CDK14: variants seen among roughly 807,000 people sequenced by gnomAD.
CDK14 encodes cyclin-dependent kinase 14.
In CDK14, 34 loss-of-function variants were observed where a neutral mutation model predicts 60.7. The observed-to-expected ratio is 0.56, with a 90% CI of 0.43 to 0.75. CDK14 has a LOEUF of 0.75. CDK14 is among the 30% of genes least tolerant of loss of function. The pLI is 0.00. For missense variants in CDK14, 482 were observed against 564.1 expected, an observed-to-expected ratio of 0.85 and a Z score of 1.47; for synonymous variants, 197 against 203.7, an observed-to-expected ratio of 0.97 and a Z score of 0.28.
chr7:90,951,199 T>C (rs1794251091), intron 8 of CDK14, among the ~76,000 whole-genome samples: 2 of 152,142 alleles, frequency 1.3e-5, no homozygotes, highest in Non-Finnish European at 2.9e-5. Context: ...CTGTTTGGAG[T>C]CAAGTGATAA....
intron 12 of CDK14, among the ~76,000 whole-genome samples, chr7:91,111,573 T>A (rs1413500534): frequency 1.3e-5 from 2 of 152,124 alleles, no homozygotes; most frequent in Non-Finnish European, 2.9e-5. Context: ...TGGATTGGAA[T>A]CTCCTCTCAA....
At chr7:90,997,551 A>G (rs1191095758) in intron 10 of CDK14, among the ~76,000 whole-genome samples, 2 of 152,210 alleles carry the variant, frequency 1.3e-5, no homozygotes, top group Non-Finnish European at 2.9e-5. Context: ...GATAACATTT[A>G]ACATTCAGAT....
chr7:90,600,737 A>G (rs1371089651), intron 1 of CDK14, among the ~76,000 whole-genome samples: 2 of 152,276 alleles, frequency 1.3e-5, no homozygotes, highest in Admixed American at 6.5e-5. Context: ...AAATATTTTA[A>G]TTTGAAAACT....
intron 2 of CDK14, among the ~76,000 whole-genome samples, chr7:90,711,247 T>A (rs1802048677): frequency 6.6e-6 from 1 of 152,104 alleles, no homozygotes; most frequent in Non-Finnish European, 1.5e-5. Flanking sequence ...TAAATTTCTT[T>A]AAATGGTGCA....
chr7:90,801,314 T>C (rs751871704), intron 5 of CDK14, among the ~76,000 whole-genome samples: 1 of 152,256 alleles, frequency 6.6e-6, no homozygotes, highest in Non-Finnish European at 1.5e-5. Flanking sequence ...TATAGATAAC[T>C]TTCTCCAATG....
At chr7:91,170,136 G>C (rs1208998034) in intron 14 of CDK14, among the ~76,000 whole-genome samples, 1 of 152,204 alleles carries the variant, frequency 6.6e-6, no homozygotes, top group African/African-American at 2.4e-5. Flanking sequence ...GATGACACGA[G>C]CTGTTCCTTA....
intron 2 of CDK14, among the ~76,000 whole-genome samples, chr7:90,670,431 G>A (rs1801072452): frequency 6.6e-6 from 1 of 152,150 alleles, no homozygotes; most frequent in African/African-American, 2.4e-5. Flanking sequence ...CCTTCTGTTT[G>A]AGGCTTTGTG....
intron 2 of CDK14, among the ~76,000 whole-genome samples, chr7:90,694,748 GTTAA>G (rs1170086184): frequency 2.0e-5 from 3 of 152,160 alleles, no homozygotes; most frequent in Non-Finnish European, 2.9e-5. Context: ...AAACTGAAGA[GTTAA>G]TTGATTAAAA....
chr7:91,173,971 T>A (rs924875080), intron 14 of CDK14, among the ~76,000 whole-genome samples: 9 of 152,188 alleles, frequency 5.9e-5, no homozygotes, highest in Non-Finnish European at 1.2e-4. Context: ...CAAGGAGGCC[T>A]GCCTGCCTCT....
chr7:91,076,242 C>CAAAAAAAAAAAAAAAAA (rs564729987), intron 11 of CDK14, among the ~76,000 whole-genome samples: 1 of 28,758 alleles, frequency 3.5e-5, no homozygotes, highest in Non-Finnish European at 6.9e-5. Context: ...CTACAGTAAC[C>CAAAAAAAAAAAAAAAAA]AAAAAAAAAA....
At chr7:91,184,263 T>G (rs1584186747) in intron 14 of CDK14, among the ~76,000 whole-genome samples, 2 of 129,160 alleles carry the variant, frequency 1.5e-5, no homozygotes, top group African/African-American at 3.0e-5. Flanking sequence ...CCAGCCTGGG[T>G]GACAGAGTGA....
intron 9 of CDK14, among the ~76,000 whole-genome samples, chr7:90,974,262 G>T (rs949677198): frequency 2.6e-5 from 4 of 151,432 alleles, no homozygotes; most frequent in East Asian, 1.9e-4. Flanking sequence ...CTGTTATTCT[G>T]TTTTTTTTCA....
intron 5 of CDK14, among the ~76,000 whole-genome samples, chr7:90,812,733 A>C (rs911837164): frequency 6.6e-6 from 1 of 152,228 alleles, no homozygotes; most frequent in African/African-American, 2.4e-5. Context: ...CTGCACACCC[A>C]GTATAACGGT....
chr7:91,028,297 C>A (rs1796660827), intron 10 of CDK14, among the ~76,000 whole-genome samples: 1 of 151,800 alleles, frequency 6.6e-6, no homozygotes, highest in Non-Finnish European at 1.5e-5. Flanking sequence ...CACACACACA[C>A]CCCCCACATT....
At chr7:91,044,396 G>T in intron 10 of CDK14, among the ~76,000 whole-genome samples, 1 of 152,194 alleles carries the variant, frequency 6.6e-6, no homozygotes, top group African/African-American at 2.4e-5. Context: ...TTATCATGCG[G>T]ATGAAGCCTC....
chr7:91,102,822 CA>C (rs1799182661), intron 12 of CDK14, among the ~76,000 whole-genome samples: 1 of 151,772 alleles, frequency 6.6e-6, no homozygotes, highest in Non-Finnish European at 1.5e-5. Flanking sequence ...TGTTTTTGCT[CA>C]AAAATGACTG....
At chr7:90,716,977 G>C (rs1401667354) in intron 2 of CDK14, among the ~76,000 whole-genome samples, 1 of 152,002 alleles carries the variant, frequency 6.6e-6, no homozygotes, top group African/African-American at 2.4e-5. Flanking sequence ...AGTGATTCCC[G>C]TGCTGCCAGT....
chr7:90,923,259 AC>A (rs1277602898), intron 8 of CDK14, among the ~76,000 whole-genome samples: 1 of 151,672 alleles, frequency 6.6e-6, no homozygotes, highest in African/African-American at 2.4e-5. Context: ...ACAGGCGCCC[AC>A]CACCACTCCT....
intron 2 of CDK14, chr7:90,726,204 T>C (rs1802626888): frequency 3.6e-6 from 2 of 548,258 alleles, no homozygotes; most frequent in Non-Finnish European, 2.3e-6. Flanking sequence ...TTTTGTTTTT[T>C]AAATTAAGGC....
Sources: allele counts gnomAD v4.1 joint callset (sites outside exome capture counted in the v4.1 genomes callset), GRCh38; gene constraint gnomAD v4.1.1; transcripts MANE v1.5; gene names NCBI Gene and HGNC (gene_info 2026-07-23, HGNC 2026-07-21).